RIMKLB: variants seen among roughly 807,000 people sequenced by gnomAD.
RIMKLB encodes ribosomal modification protein rimK like family member B, also known as beta-citrylglutamate synthase B.
RIMKLB carries 7 observed loss-of-function variants against 32.0 expected under a neutral mutation model. That is an observed-to-expected ratio of 0.22 (90% CI 0.12 to 0.41). RIMKLB has a LOEUF of 0.41. Ranked by LOEUF, RIMKLB falls within the 10% of genes least tolerant of loss-of-function variation. The probability of loss-of-function intolerance (pLI) is 1.00; values close to 1 mark genes in which losing one functional copy is unlikely to be tolerated. For missense variants in RIMKLB, 289 were observed against 498.7 expected (o/e 0.58, Z 4.00); for synonymous variants, 172 against 185.1 (o/e 0.93, Z 0.57).
intron 5 of RIMKLB, among the ~76,000 whole-genome samples, chr12:8,771,390 C>G (rs1234201010): frequency 1.3e-5 from 2 of 152,066 alleles, no homozygotes; most frequent in African/African-American, 4.8e-5. Context: ...AGGTTAGATT[C>G]TATTTTCTAA....
At chr12:8,770,100 A>G (rs1446985523) in intron 5 of RIMKLB, among the ~76,000 whole-genome samples, 1 of 151,752 alleles carries the variant, frequency 6.6e-6, no homozygotes, top group Admixed American at 6.6e-5. Flanking sequence ...GGCCTCCCAC[A>G]TGCAGGCACC....
chr12:8,760,106 C>G (rs1042734645), intron 5 of RIMKLB, among the ~76,000 whole-genome samples: 1 of 152,274 alleles, frequency 6.6e-6, no homozygotes, highest in East Asian at 1.9e-4. Flanking sequence ...TCCCCTACCC[C>G]ACAACAGGCC....
At chr12:8,749,823 T>C (rs748878991) in intron 2 of RIMKLB, 39 bp from the exon 3 acceptor site, 4 of 1,307,718 alleles carry the variant, frequency 3.1e-6, no homozygotes, top group Non-Finnish European at 4.4e-6. Flanking sequence ...GTTGTATATT[T>C]CCCTCTAATT....
At chr12:8,750,127 T>C in intron 3 of RIMKLB, 35 bp downstream of exon 3, 1 of 1,290,572 alleles carries the variant, frequency 7.7e-7, no homozygotes, top group South Asian at 1.2e-5. Flanking sequence ...AGCCTGAATA[T>C]TAACCACTGA....
intron 5 of RIMKLB, among the ~76,000 whole-genome samples, chr12:8,770,109 C>T (rs1043943098): frequency 2.6e-5 from 4 of 152,064 alleles, no homozygotes; most frequent in African/African-American, 9.7e-5. Context: ...CATGCAGGCA[C>T]CTGCCACCAC....
intron 2 of RIMKLB, 147 bp from the exon 3 acceptor site, chr12:8,749,715 T>C: frequency 1.7e-6 from 1 of 580,692 alleles, no homozygotes. Flanking sequence ...TTAAATTTTC[T>C]TTTTTCTTAG....
chr12:8,711,015 G>A (rs1312415808), intron 1 of RIMKLB, among the ~76,000 whole-genome samples: 3 of 148,700 alleles, frequency 2.0e-5, no homozygotes, highest in Non-Finnish European at 1.5e-5. Context: ...GTTGGCTCAC[G>A]CCTATAATTC....
intron 2 of RIMKLB, among the ~76,000 whole-genome samples, chr12:8,716,214 A>G (rs1227892344): frequency 6.6e-6 from 1 of 152,180 alleles, no homozygotes; most frequent in Non-Finnish European, 1.5e-5. Flanking sequence ...AAAAGTGTGT[A>G]GGTTGAAAAG....
chr12:8,692,906 C>A (rs1007070790), upstream of RIMKLB, among the ~76,000 whole-genome samples: 1 of 152,234 alleles, frequency 6.6e-6, no homozygotes. Context: ...TAACATTAGA[C>A]ACCAACCACC....
Position 8,775,273 on chromosome 12 carries a change from T to TA in RIMKLB, c.*1490dup, listed in dbSNP as rs1950665276. On this transcript the variant is annotated 3_prime_UTR_variant, in exon 6 of 6. Transcript: ENST00000535829. ...ACTTATTTAGTAGTATTGAGTCTCT[T>TA]ATAGCCCTACTCTTAAGCCTTCAAT... The TA allele has an allele frequency of 2.0e-6, 2 of 985,530 alleles. No individual in the cohort carries two copies. Among genetic ancestry groups the TA allele is most frequent in the Non-Finnish European group, 1.2e-6 (1 of 829,822 alleles). 61.0% of individuals were successfully genotyped at this position (985,530 alleles called of 1,614,324 possible).
chr12:8,761,445 G>A (rs1949513390), intron 5 of RIMKLB, among the ~76,000 whole-genome samples: 1 of 151,998 alleles, frequency 6.6e-6, no homozygotes, highest in South Asian at 2.1e-4. Flanking sequence ...CGAAAACAGA[G>A]CTCCCATAAA....
chr12:8,688,767 T>C (rs770187354), intron 1 of RIMKLB, among the ~76,000 whole-genome samples: 2 of 152,178 alleles, frequency 1.3e-5, no homozygotes, highest in Non-Finnish European at 2.9e-5. Flanking sequence ...AGGGATTAAT[T>C]GAACAGGATT....
intron 2 of RIMKLB, among the ~76,000 whole-genome samples, chr12:8,748,620 T>TAA (rs941542252): frequency 6.8e-6 from 1 of 146,954 alleles, no homozygotes; most frequent in African/African-American, 2.6e-5. Flanking sequence ...TATATATATA[T>TAA]AATTTTTTTT....
chr12:8,741,834 C>CTG (rs1947567178), intron 2 of RIMKLB, among the ~76,000 whole-genome samples: 1 of 151,812 alleles, frequency 6.6e-6, no homozygotes, highest in Non-Finnish European at 1.5e-5. Context: ...TACCCCAGAC[C>CTG]TCAGCATCAT....
At chr12:8,750,218 A>G (rs1021701623) in intron 3 of RIMKLB, 126 bp downstream of exon 3, 2 of 534,348 alleles carry the variant, frequency 3.7e-6, no homozygotes, top group African/African-American at 3.7e-5. Flanking sequence ...TGGACAGGAT[A>G]ATTATAAATT....
At chr12:8,685,621 T>C (rs1309813526) in intron 1 of RIMKLB, among the ~76,000 whole-genome samples, 3 of 152,196 alleles carry the variant, frequency 2.0e-5, no homozygotes, top group African/African-American at 4.8e-5. Flanking sequence ...TTAATATCCA[T>C]AGGATTTGCA....
At chr12:8,739,863 A>G (rs1337169596) in intron 2 of RIMKLB, among the ~76,000 whole-genome samples, 1 of 152,128 alleles carries the variant, frequency 6.6e-6, no homozygotes, top group Non-Finnish European at 1.5e-5. Flanking sequence ...TCAACACTTA[A>G]CATTTTGGGG....
At chr12:8,689,241 T>C (rs2136563468) in intron 1 of RIMKLB, among the ~76,000 whole-genome samples, 2 of 152,336 alleles carry the variant, frequency 1.3e-5, no homozygotes, top group Middle Eastern at 3.4e-3. Context: ...GGGCTACTTA[T>C]ACCTGGAATA....
intron 5 of RIMKLB, among the ~76,000 whole-genome samples, chr12:8,756,131 G>A (rs1030824931): frequency 2.0e-5 from 3 of 148,658 alleles, no homozygotes; most frequent in Admixed American, 6.8e-5. Context: ...TCCAGCCTGG[G>A]CAACAGAGTG....
Sources: allele counts gnomAD v4.1 joint callset (sites outside exome capture counted in the v4.1 genomes callset), GRCh38; gene constraint gnomAD v4.1.1; transcripts MANE v1.5; gene names NCBI Gene and HGNC (gene_info 2026-07-23, HGNC 2026-07-21).